The following NEK11 variants were observed in gnomAD, a reference collection of about 807,000 sequenced individuals.
The protein encoded by NEK11 is serine/threonine-protein kinase Nek11.
NEK11 carries 72 observed loss-of-function variants against 80.7 expected under a neutral mutation model. The ratio of observed to expected loss-of-function variants is 0.89; its 90% confidence interval spans 0.74 to 1.08. The LOEUF is 1.08. Among genes scored for constraint, NEK11 ranks in the 50% least tolerant of loss-of-function variants. The pLI is 0.00. For missense variants in NEK11, 764 were observed against 763.6 expected, an observed-to-expected ratio of 1.00 and a Z score of -0.01; for synonymous variants, 251 against 260.7, an observed-to-expected ratio of 0.96 and a Z score of 0.36.
At chr3:131,165,586 G>A in intron 12 of NEK11, 67 bp downstream of exon 12, 1 of 958,862 alleles carries the variant, frequency 1.0e-6, no homozygotes, top group Non-Finnish European at 1.6e-6. Flanking sequence ...GGCGATGATT[G>A]GGTAGGAAAA....
intron 3 of NEK11, among the ~76,000 whole-genome samples, chr3:131,032,866 G>C (rs2065077775): frequency 6.6e-6 from 1 of 152,098 alleles, no homozygotes; most frequent in Admixed American, 6.5e-5. Context: ...CAAGTTAAAA[G>C]AATAATTAAA....
intron 14 of NEK11, among the ~76,000 whole-genome samples, chr3:131,179,174 A>G (rs1214070593): frequency 6.6e-6 from 1 of 152,200 alleles, no homozygotes; most frequent in African/African-American, 2.4e-5. Flanking sequence ...GGATCAAGCA[A>G]TAATACGCCA....
At chr3:131,174,866 C>A in intron 14 of NEK11, 1 of 1,553,428 alleles carries the variant, frequency 6.4e-7, no homozygotes, top group South Asian at 1.2e-5. Context: ...CCTACCCCAC[C>A]ATTCAGATGT....
rs560069685 is a variant in NEK11, at chr3:131,141,731, A to G, written c.647+7775A>G. ...CTACTGAAAGACTCTGAGAAATGGTATGAAAGGACATGGAAGCATGAGAAA... is the reference window on the plus strand; with the variant it reads ...CTACTGAAAGACTCTGAGAAATGGTGTGAAAGGACATGGAAGCATGAGAAA... On this transcript the variant is annotated intron_variant, in intron 7 of 17. Coordinates refer to ENST00000383366, the MANE Select transcript of NEK11 (RefSeq NM_024800.5). Among the ~76,000 whole-genome samples, 21 of 152,286 alleles carry G rather than the reference A, an allele frequency of 1.4e-4. No individual in the cohort carries two copies. The East Asian group carries it at 4.0e-3, about 29-fold the overall frequency.
rs2095463900 is a variant in NEK11, at chr3:131,238,174, C to G, written c.1561-5262C>G. Among the ~76,000 whole-genome samples the G allele has an allele frequency of 2.6e-5, 4 of 152,132 alleles. No homozygotes were observed. In the South Asian group the frequency reaches 8.3e-4, roughly 32 times the overall value. On this transcript the variant is annotated intron_variant, in intron 15 of 17. Transcript: ENST00000383366. ...AGTCTCTGTTTATATGTCATCTTAT[C>G]AGGGAGGACTCTGACCACCTTATAT... is the stretch of plus-strand genomic sequence containing the variant.
intron 4 of NEK11, among the ~76,000 whole-genome samples, chr3:131,099,608 G>T (rs1560397681): frequency 1.3e-5 from 2 of 152,048 alleles, no homozygotes; most frequent in African/African-American, 4.8e-5. Context: ...AGTATGGAAT[G>T]TTTTTTCCAT....
chr3:131,035,218 A>G (rs1242028095), intron 3 of NEK11, among the ~76,000 whole-genome samples: 1 of 152,218 alleles, frequency 6.6e-6, no homozygotes, highest in African/African-American at 2.4e-5. Flanking sequence ...TAGATTTTTA[A>G]AAGTCCTAGC....
intron 3 of NEK11, among the ~76,000 whole-genome samples, chr3:131,055,377 C>T (rs1357254816): frequency 6.6e-6 from 1 of 152,006 alleles, no homozygotes; most frequent in Non-Finnish European, 1.5e-5. Flanking sequence ...TCTAGTTAGG[C>T]TTTGGAAGGA....
chr3:131,202,181 G>A (rs2094260269), intron 14 of NEK11, among the ~76,000 whole-genome samples: 1 of 152,112 alleles, frequency 6.6e-6, no homozygotes, highest in African/African-American at 2.4e-5. Context: ...CATGATCAAC[G>A]CAGAAGACAG....
intron 17 of NEK11, among the ~76,000 whole-genome samples, chr3:131,285,722 TC>T (rs974391829): frequency 1.6e-4 from 25 of 152,330 alleles, no homozygotes; most frequent in African/African-American, 5.8e-4. Context: ...CTTTCATCTT[TC>T]TTCACAAAAG....
At chr3:131,319,061 T>C (rs1258948935) in intron 17 of NEK11, among the ~76,000 whole-genome samples, 1 of 152,032 alleles carries the variant, frequency 6.6e-6, no homozygotes, top group Non-Finnish European at 1.5e-5. Flanking sequence ...CATAAACTTT[T>C]TTTTACCTAA....
intron 7 of NEK11, among the ~76,000 whole-genome samples, chr3:131,144,717 A>G (rs141916400): frequency 1.1e-3 from 163 of 152,286 alleles, no homozygotes; most frequent in African/African-American, 3.8e-3. Flanking sequence ...AGATTGTCCA[A>G]GTTTCAGTTA....
intron 15 of NEK11, among the ~76,000 whole-genome samples, chr3:131,241,022 AAC>A (rs2095510665): frequency 6.6e-6 from 1 of 152,200 alleles, no homozygotes; most frequent in African/African-American, 2.4e-5. Flanking sequence ...TGAGAGAGAT[AAC>A]ACATAAACTT....
intron 15 of NEK11, among the ~76,000 whole-genome samples, chr3:131,240,200 T>G (rs1384995947): frequency 6.6e-6 from 1 of 152,178 alleles, no homozygotes; most frequent in Non-Finnish European, 1.5e-5. Flanking sequence ...GGCTCCTTTC[T>G]CAGAATCTTT....
At chr3:131,084,635 C>A (rs919197500) in intron 4 of NEK11, among the ~76,000 whole-genome samples, 1 of 152,158 alleles carries the variant, frequency 6.6e-6, no homozygotes, top group Non-Finnish European at 1.5e-5. Context: ...GTGGAGAGAA[C>A]ATATGATAGG....
intron 17 of NEK11, among the ~76,000 whole-genome samples, chr3:131,331,297 T>C (rs1364921779): frequency 6.6e-6 from 1 of 152,220 alleles, no homozygotes; most frequent in Admixed American, 6.5e-5. Flanking sequence ...GGTGGACTAA[T>C]TTTATACACA....
intron 17 of NEK11, among the ~76,000 whole-genome samples, chr3:131,315,318 G>A (rs1217665424): frequency 1.3e-5 from 2 of 152,010 alleles, no homozygotes; most frequent in Non-Finnish European, 2.9e-5. Context: ...TCTATGTGCT[G>A]TATGCAATCT....
At chr3:131,095,672 T>A (rs550484796) in intron 4 of NEK11, among the ~76,000 whole-genome samples, 3 of 152,312 alleles carry the variant, frequency 2.0e-5, no homozygotes, top group Non-Finnish European at 4.4e-5. Context: ...GCAACACTTA[T>A]TATTTGACAA....
intron 14 of NEK11, among the ~76,000 whole-genome samples, chr3:131,221,890 G>C (rs2095038175): frequency 6.6e-6 from 1 of 152,144 alleles, no homozygotes; most frequent in Admixed American, 6.6e-5. Context: ...TACTGAATCA[G>C]AAACACTGGG....
Sources: allele counts gnomAD v4.1 joint callset (sites outside exome capture counted in the v4.1 genomes callset), GRCh38; gene constraint gnomAD v4.1.1; transcripts MANE v1.5; gene names NCBI Gene and HGNC (gene_info 2026-07-23, HGNC 2026-07-21).